The following COL5A2 variants were observed in gnomAD, a reference collection of about 807,000 sequenced individuals.
COL5A2 encodes the protein collagen alpha-2(V) chain.
Under a neutral mutation model 208.2 loss-of-function variants are expected in COL5A2, and 23 were observed. The ratio of observed to expected loss-of-function variants is 0.11; its 90% CI spans 0.08 to 0.16. The LOEUF is 0.16. Among genes scored for constraint, COL5A2 ranks in the 10% least tolerant of loss-of-function variants. The pLI is 1.00. For synonymous variants in COL5A2, 625 were observed against 628.5 expected (o/e 0.99, Z 0.08); for missense variants, 1,590 against 1,956.4 (o/e 0.81, Z 3.53).
At chr2:189,271,221 C>G in the COL5A2 span, among the ~76,000 whole-genome samples, 1 of 152,048 alleles carries the variant, frequency 6.6e-6, no homozygotes, top group African/African-American at 2.4e-5. Flanking sequence ...GCAAAAAGAA[C>G]AAAGCTGGAG....
At chr2:189,234,478 G>A in the COL5A2 span, among the ~76,000 whole-genome samples, 1 of 151,764 alleles carries the variant, frequency 6.6e-6, no homozygotes, top group South Asian at 2.1e-4. Flanking sequence ...TGGTAATGTA[G>A]TTACATAAGT....
intron 1 of COL5A2, among the ~76,000 whole-genome samples, chr2:189,143,520 C>T (rs990246215): frequency 2.0e-5 from 3 of 152,082 alleles, no homozygotes; most frequent in African/African-American, 7.2e-5. Flanking sequence ...CTCTCATATC[C>T]TCTATTAGAA....
chr2:189,399,631 T>G, the COL5A2 span, among the ~76,000 whole-genome samples: 1 of 152,152 alleles, frequency 6.6e-6, no homozygotes, highest in African/African-American at 2.4e-5. Flanking sequence ...TTTTTAGAAC[T>G]TTGAGTTATA....
chr2:189,047,017 G>A (rs1397480206), intron 45 of COL5A2, among the ~76,000 whole-genome samples: 4 of 151,804 alleles, frequency 2.6e-5, no homozygotes, highest in Non-Finnish European at 4.4e-5. Flanking sequence ...AGCTACTGGG[G>A]AGGCTGAGGC....
upstream of COL5A2, among the ~76,000 whole-genome samples, chr2:189,230,308 A>G (rs1689464079): frequency 6.6e-6 from 1 of 151,926 alleles, no homozygotes; most frequent in African/African-American, 2.4e-5. Flanking sequence ...ACAGGCAACG[A>G]AAGCAAAAAT....
chr2:189,069,271 A>G (rs1390909180), intron 18 of COL5A2, among the ~76,000 whole-genome samples: 1 of 152,210 alleles, frequency 6.6e-6, no homozygotes, highest in African/African-American at 2.4e-5. Context: ...GAAAAACTAG[A>G]AACAGCCCTA....
chr2:189,297,503 T>A, the COL5A2 span, among the ~76,000 whole-genome samples: 12 of 152,212 alleles, frequency 7.9e-5, no homozygotes, highest in African/African-American at 2.9e-4. Flanking sequence ...TTAATTTTTT[T>A]AATTTAAAAA....
At chr2:189,298,519 T>C in the COL5A2 span, among the ~76,000 whole-genome samples, 3 of 152,290 alleles carry the variant, frequency 2.0e-5, no homozygotes, top group African/African-American at 7.2e-5. Context: ...CCTTCTATGA[T>C]ATATGCCTGA....
At chr2:189,075,761 TC>T (rs1185022686) in intron 16 of COL5A2, among the ~76,000 whole-genome samples, 4 of 152,150 alleles carry the variant, frequency 2.6e-5, no homozygotes, top group African/African-American at 9.7e-5. Flanking sequence ...ACCTCAGTAT[TC>T]TTAATAGCCA....
At chr2:189,383,204 G>C in the COL5A2 span, among the ~76,000 whole-genome samples, 1 of 152,162 alleles carries the variant, frequency 6.6e-6, no homozygotes, top group Non-Finnish European at 1.5e-5. Context: ...CTTTCTCACA[G>C]TTCTAAAGGC....
chr2:189,080,493 TGATA>T (rs1396768400), intron 13 of COL5A2, among the ~76,000 whole-genome samples: 2 of 149,820 alleles, frequency 1.3e-5, no homozygotes, highest in South Asian at 2.2e-4. Context: ...TTTGATATTA[TGATA>T]GTTAGATAGA....
chr2:189,412,246 C>T, the COL5A2 span, among the ~76,000 whole-genome samples: 2 of 151,944 alleles, frequency 1.3e-5, no homozygotes, highest in African/African-American at 4.8e-5. Flanking sequence ...TCCTAACGTT[C>T]GTGAAATGTT....
intron 1 of COL5A2, among the ~76,000 whole-genome samples, chr2:189,207,664 C>T (rs554048003): frequency 5.9e-5 from 9 of 152,186 alleles, no homozygotes; most frequent in Non-Finnish European, 8.8e-5. Flanking sequence ...ACAACTTCTC[C>T]ATGTTAGCTG....
chr2:189,259,597 A>G, the COL5A2 span, among the ~76,000 whole-genome samples: 1 of 152,356 alleles, frequency 6.6e-6, no homozygotes, highest in Non-Finnish European at 1.5e-5. Flanking sequence ...GGAGAGACCC[A>G]GATTTTAATA....
chr2:189,115,161 C>G (rs746727580), intron 1 of COL5A2, among the ~76,000 whole-genome samples: 91 of 152,126 alleles, frequency 6.0e-4, no homozygotes, highest in Non-Finnish European at 1.2e-3. Context: ...TATATTTTAT[C>G]TGATCACATT....
the COL5A2 span, among the ~76,000 whole-genome samples, chr2:189,400,925 G>T: frequency 6.6e-6 from 1 of 152,166 alleles, no homozygotes; most frequent in African/African-American, 2.4e-5. Flanking sequence ...AGAGGATGAA[G>T]TATCATTCTA....
chr2:189,393,199 C>CA, the COL5A2 span, among the ~76,000 whole-genome samples: 1 of 151,706 alleles, frequency 6.6e-6, no homozygotes, highest in Non-Finnish European at 1.5e-5. Context: ...GAAAAACACA[C>CA]AAAAAAATTG....
chr2:189,403,394 ACTTTATTTCTTTCT>A, the COL5A2 span, among the ~76,000 whole-genome samples: 1 of 152,116 alleles, frequency 6.6e-6, no homozygotes, highest in African/African-American at 2.4e-5. Context: ...ATCTGAATAC[ACTTTATTTCTTTCT>A]CTTTATTTCT....
chr2:189,034,856 T>C, intron 53 of COL5A2, 60 bp downstream of exon 53: 4 of 1,608,576 alleles, frequency 2.5e-6, no homozygotes, highest in South Asian at 1.1e-5. Flanking sequence ...TGTAATAGTA[T>C]TTTTAACAAA....
Sources: gnomAD v4.1 joint callset for allele counts (sites outside exome capture counted in the v4.1 genomes callset) on GRCh38, gnomAD v4.1.1 for gene constraint, MANE v1.5 for transcripts, NCBI Gene and HGNC (gene_info 2026-07-23, HGNC 2026-07-21) for gene names.